The following PRC1 variants were observed in gnomAD, a reference collection of about 807,000 sequenced individuals.
PRC1 encodes protein regulator of cytokinesis 1.
Under a neutral mutation model 91.2 loss-of-function variants are expected in PRC1, and 54 were observed. The ratio of observed to expected loss-of-function variants is 0.59; its 90% CI spans 0.48 to 0.74. The LOEUF (loss-of-function observed/expected upper bound fraction) is 0.74, where lower values mean the gene tolerates loss of function less well. PRC1 is among the 30% of genes least tolerant of loss of function. The pLI, the probability that PRC1 is intolerant of heterozygous loss-of-function variation, is 0.00. For synonymous variants in PRC1, 275 were observed against 263.6 expected (o/e 1.04, Z -0.42); for missense variants, 727 against 746.2 (o/e 0.97, Z 0.30).
In PRC1 at chr15:90,967,919, G is replaced by T. The variant is rs2037668650; in HGVS notation, c.1792-717C>A. On this transcript the variant is annotated intron_variant, in intron 14 of 14. Transcript: ENST00000394249. The stretch of plus-strand genomic sequence containing the variant: ...TCTTGAGCCCTTTATAAAACAATGG[G>T]CCAGAACATATATCTACCAATCCCT... The T allele has an allele frequency of 9.1e-6, 9 of 985,418 alleles. No homozygotes were observed. In the South Asian group the frequency reaches 3.3e-4, roughly 36 times the overall value. 61.0% of individuals were successfully genotyped at this position (985,418 alleles called of 1,614,324 possible). A position where few individuals can be genotyped will look rare whatever the true frequency, so the allele number is the denominator to read the frequency against.
chr15:90,980,095 C>A, intron 7 of PRC1, 147 bp downstream of exon 7: 3 of 898,082 alleles, frequency 3.3e-6, no homozygotes, highest in Non-Finnish European at 3.1e-6. Context: ...ACATGAAGAC[C>A]CCACTTTTGG....
Position 90,981,867 on chromosome 15 carries a change from C to T in PRC1, c.382G>A (p.Asp128Asn). 2 of 1,614,218 alleles carry T rather than the reference C, an allele frequency of 1.2e-6. No homozygotes were observed. The highest frequency in any genetic ancestry group is 8.5e-7 in the Non-Finnish European group (1 of 1,180,040). Residue 128 changes from aspartate (D) to asparagine (N), a missense_variant, in exon 4 of 15, where the codon GAT becomes AAT. Physicochemically the swap from Asp to Asn is conservative, Grantham distance 23. Coordinates refer to ENST00000394249, the MANE Select transcript of PRC1 (RefSeq NM_003981.4). ...CAAAGAATTTCGCACAGTTCTTGAT[C>T]TTGCTCTTGAAGTAGCTTCAGTTCC... ...KQELKLLQEQ[D>N]QELCEILCMP...
chr15:90,970,718 A>G (rs573597708), intron 11 of PRC1, among the ~76,000 whole-genome samples: 47 of 152,364 alleles, frequency 3.1e-4, no homozygotes, highest in Non-Finnish European at 4.4e-4. Context: ...TATCCAGCAA[A>G]TGGAAGTGTA....
In PRC1 at chr15:90,969,763, CATATATAT is replaced by C. The variant is rs61067469; in HGVS notation, c.1573-148_1573-141del. The C allele has an allele frequency of 4.0e-3, 517 of 130,838 alleles. 6 individuals are homozygous for C. Among genetic ancestry groups the C allele is most frequent in the African/African-American group, 0.012 (429 of 35,748 alleles). The allele number at this position is 130,838 out of a possible 1,614,324, so 8.1% of individuals were successfully genotyped here. A position where few individuals can be genotyped will look rare whatever the true frequency, so the allele number is the denominator to read the frequency against. Reference sequence around the variant, plus strand: ...CTATACTTTTTAGTTAAAAAAAAAACATATATATATATATATATATATATATATATATA... The same window carrying C: ...CTATACTTTTTAGTTAAAAAAAAAACATATATATATATATATATATATATA... On this transcript the variant is annotated intron_variant, in intron 12 of 14. Coordinates refer to ENST00000394249, the MANE Select transcript of PRC1 (RefSeq NM_003981.4).
chr15:90,979,873 C>T, intron 7 of PRC1, among the ~76,000 whole-genome samples: 1 of 152,186 alleles, frequency 6.6e-6, no homozygotes, highest in East Asian at 1.9e-4. Context: ...AAAGTAAGCA[C>T]CTGATAAAAA....
chr15:90,987,817 T>C (rs1233640053), intron 1 of PRC1: 1 of 152,198 alleles, frequency 6.6e-6, no homozygotes, highest in Admixed American at 6.6e-5. Context: ...TCGGTGGTTC[T>C]ACAAGTCACC....
At chr15:90,987,552 A>G (rs1375936600) in intron 1 of PRC1, 4 of 152,258 alleles carry the variant, frequency 2.6e-5, no homozygotes, top group Non-Finnish European at 5.9e-5. Context: ...TTTTAAGAAC[A>G]GCTTACTTTA....
chr15:90,969,278 A>C (rs1034186423), intron 13 of PRC1, among the ~76,000 whole-genome samples, 158 bp from the exon 14 acceptor site: 2 of 151,312 alleles, frequency 1.3e-5, no homozygotes, highest in African/African-American at 4.9e-5. Context: ...CTTCCTACAC[A>C]ACCCCCCCTT....
intron 14 of PRC1, chr15:90,968,746 C>G (rs1440191941): frequency 8.7e-7 from 1 of 1,153,092 alleles, no homozygotes; most frequent in African/African-American, 1.6e-5. Flanking sequence ...GCTGGGGCTC[C>G]CTTCCCCATG....
At chr15:90,967,978 A>G (rs1355600711) in intron 14 of PRC1, 2 of 985,122 alleles carry the variant, frequency 2.0e-6, no homozygotes, top group African/African-American at 1.7e-5. Context: ...TGGTGATTTG[A>G]TCTCATGCTG....
At chr15:90,992,777 T>C (rs959084553) in intron 1 of PRC1, among the ~76,000 whole-genome samples, 1 of 151,688 alleles carries the variant, frequency 6.6e-6, no homozygotes, top group Admixed American at 6.6e-5. Flanking sequence ...GACAAAAAGG[T>C]TGTAAAATGA....
chr15:90,976,149 C>T (rs1218551499), intron 9 of PRC1, among the ~76,000 whole-genome samples: 2 of 152,096 alleles, frequency 1.3e-5, no homozygotes, highest in Admixed American at 6.6e-5. Context: ...AGTGCAGTGG[C>T]GCGGTCTTGG....
At position 90,981,923 on chromosome 15, in the gene PRC1, A is replaced by G; in HGVS notation, c.326T>C (p.Leu109Ser). 6.2e-7 allele frequency: 1 copy of G among 1,614,176 alleles called. No homozygotes were observed. Reference sequence around the variant, plus strand: ...TCTCTCCTTTTTCTGTTTTCGCATCAATTCCACTTGGGTGCGCAAATCTTT... The same window carrying G: ...TCTCTCCTTTTTCTGTTTTCGCATCGATTCCACTTGGGTGCGCAAATCTTT... Reference protein sequence around the residue: ...LEKDLRTQVELMRKQKKERKQ... With the variant: ...LEKDLRTQVESMRKQKKERKQ... The change falls in exon 4 of 15, where the codon TTG (leucine) becomes TCG (serine). Residue 109 changes from leucine to serine, a missense_variant. Leu to Ser is a moderately radical substitution (Grantham distance 145, BLOSUM62 -2). Transcript: ENST00000394249.
At chr15:90,992,373 A>C (rs1038856916) in intron 1 of PRC1, among the ~76,000 whole-genome samples, 1 of 152,242 alleles carries the variant, frequency 6.6e-6, no homozygotes, top group African/African-American at 2.4e-5. Flanking sequence ...GGTTCCTTGT[A>C]TATAACAAAC....
In PRC1 at chr15:90,984,938, A is replaced by G; in HGVS notation, c.12-113T>C. 2 of 1,360,404 alleles carry G rather than the reference A, an allele frequency of 1.5e-6. No homozygotes were observed. The highest frequency in any genetic ancestry group is 4.6e-5 in the East Asian group (2 of 43,146). 84.3% of individuals were successfully genotyped at this position (1,360,404 alleles called of 1,614,324 possible). A position where few individuals can be genotyped will look rare whatever the true frequency, so the allele number is the denominator to read the frequency against. ...TTCTCAGTGGCCTCGAGAAAAAAAC[A>G]AATTGAAAACAAGCATTCAGCTTAA... On this transcript the variant is annotated intron_variant, in intron 1 of 14. Transcript: ENST00000394249. The surrounding 1 kb of genome is among the most constrained non-coding windows in gnomAD (Gnocchi z 5.1).
Position 90,974,480 on chromosome 15 carries a change from G to A in PRC1, c.1350+105C>T. 2 of 1,503,710 alleles carry A rather than the reference G, an allele frequency of 1.3e-6. No homozygotes were observed. Among genetic ancestry groups the A allele is most frequent in the Admixed American group, 1.8e-5 (1 of 55,970 alleles). 93.1% of individuals were successfully genotyped at this position (1,503,710 alleles called of 1,614,324 possible). A position where few individuals can be genotyped will look rare whatever the true frequency, so the allele number is the denominator to read the frequency against. ...CCGGCTTCCCGTTCCACAAGCCCCG[G>A]TCCCCGGCTCCCTGTTCCACAAACC... is the stretch of plus-strand genomic sequence containing the variant. On this transcript the variant is annotated intron_variant, in intron 10 of 14. Transcript: ENST00000394249. The surrounding 1 kb of genome is among the most constrained non-coding windows in gnomAD (Gnocchi z 4.6).
intron 1 of PRC1, among the ~76,000 whole-genome samples, chr15:90,991,340 C>T (rs964076345): frequency 2.0e-5 from 3 of 151,210 alleles, no homozygotes; most frequent in African/African-American, 7.3e-5. Context: ...CACTTGAACC[C>T]GGTGAACCCA....
At chr15:90,968,143 A>G in intron 14 of PRC1, 2 of 984,998 alleles carry the variant, frequency 2.0e-6, no homozygotes, top group Non-Finnish European at 2.4e-6. Flanking sequence ...CTAGCCACAC[A>G]GATAGGCAGG....
At position 90,979,252 on chromosome 15, in the gene PRC1, A is replaced by G. The variant is rs749295437; in HGVS notation, c.1013T>C (p.Ile338Thr). Residue 338 changes from isoleucine to threonine, a missense_variant, in exon 8 of 15, where the codon ATT becomes ACT. By Grantham distance (89) the Ile-to-Thr change is moderately conservative (BLOSUM62 -1). Transcript: ENST00000394249. ...ESLLQLHDAE[I>T]VRLKNYYEVH... ...TTCATAGTAGTTTTTTAACCGCACA[A>G]TCTCAGCATCGTGGAGCTGGAGCAG... The G allele has an allele frequency of 8.7e-6, 14 of 1,614,084 alleles. No individual in the cohort carries two copies. The highest frequency in any genetic ancestry group is 1.3e-5 in the African/African-American group (1 of 74,944).
Sources: allele counts gnomAD v4.1 joint callset (sites outside exome capture counted in the v4.1 genomes callset), GRCh38; gene constraint gnomAD v4.1.1; non-coding constraint Gnocchi (gnomAD v3.1); transcripts MANE v1.5; gene names NCBI Gene and HGNC (gene_info 2026-07-23, HGNC 2026-07-21).